MYO5B: variants seen among roughly 807,000 people sequenced by gnomAD.
The protein encoded by MYO5B is myosin VB.
MYO5B carries 143 observed loss-of-function variants against 229.3 expected under a neutral mutation model. The ratio of observed to expected loss-of-function variants is 0.62; its 90% CI spans 0.54 to 0.72. The LOEUF (loss-of-function observed/expected upper bound fraction) is 0.72, where lower values mean the gene tolerates loss of function less well. Among genes scored for constraint, MYO5B ranks in the 30% least tolerant of loss-of-function variants. MYO5B has a pLI of 0.00. For synonymous variants in MYO5B, 918 were observed against 885.2 expected (o/e 1.04, Z -0.66); for missense variants, 2,321 against 2,331.0 (o/e 1.00, Z 0.09).
intron 39 of MYO5B, among the ~76,000 whole-genome samples, chr18:49,834,032 G>A (rs1453816212): frequency 6.6e-6 from 1 of 152,074 alleles, no homozygotes; most frequent in Non-Finnish European, 1.5e-5. Flanking sequence ...GTTGGCCTCT[G>A]TTCCCTACTT....
chr18:49,972,027 C>T (rs932786033), intron 10 of MYO5B, among the ~76,000 whole-genome samples: 9 of 152,132 alleles, frequency 5.9e-5, no homozygotes, highest in Admixed American at 2.0e-4. Flanking sequence ...GGCCCTGTAT[C>T]GGGACCCTGC....
Position 49,853,685 on chromosome 18 carries a change from G to C in MYO5B, c.4023-38C>G, listed in dbSNP as rs62098715. ...GAGGACAGGTGAGCACGTGGCCCAG[G>C]CCAGGGCCCCCATCTGAGGGGACAC... On this transcript the variant is annotated intron_variant, in intron 30 of 39. Coordinates refer to ENST00000285039, the MANE Select transcript of MYO5B (RefSeq NM_001080467.3). 8.8e-6 allele frequency: 14 copies of C among 1,593,636 alleles called. No individual in the cohort carries two copies. In the East Asian group the frequency reaches 3.2e-4, roughly 36 times the overall value.
chr18:50,008,023 G>C (rs914345724), intron 4 of MYO5B, among the ~76,000 whole-genome samples: 8 of 152,078 alleles, frequency 5.3e-5, no homozygotes, highest in Admixed American at 4.6e-4. Flanking sequence ...GGTTATGCTG[G>C]TGGAATTATA....
intron 4 of MYO5B, among the ~76,000 whole-genome samples, chr18:50,015,429 G>A (rs1412778895): frequency 6.6e-6 from 1 of 152,140 alleles, no homozygotes; most frequent in Non-Finnish European, 1.5e-5. Context: ...TATTCTGGGT[G>A]TTCCTTTAAT....
At chr18:49,978,348 G>T (rs1021083652) in intron 9 of MYO5B, among the ~76,000 whole-genome samples, 2 of 152,132 alleles carry the variant, frequency 1.3e-5, no homozygotes, top group Admixed American at 6.5e-5. Flanking sequence ...CGGAGGCTGG[G>T]TGTGGAGGGT....
At chr18:49,996,722 C>T (rs2025991450) in intron 5 of MYO5B, among the ~76,000 whole-genome samples, 1 of 152,160 alleles carries the variant, frequency 6.6e-6, no homozygotes, top group African/African-American at 2.4e-5. Context: ...AACCATGCCC[C>T]AGTATGGGAA....
At position 49,841,415 on chromosome 18, in the gene MYO5B, A is replaced by G; in HGVS notation, c.4651T>C (p.Ser1551Pro). Residue 1551 changes from serine (S) to proline (P), a missense_variant, in exon 35 of 40, where the codon TCC (serine) becomes CCC (proline). Physicochemically the swap from Ser to Pro is moderately conservative, Grantham distance 74. This residue lies in a region of MYO5B where 2,113 missense variants were observed against 2,044.7 expected (regional missense o/e 1.03). Transcript: ENST00000285039. ...CAGTGAAGAAGGCGGCAGGTGTTGG[A>G]TAACCAGAATGACGTCATCTCAAAG... ...DDFEMTSFWL[S>P]NTCRLLHCLK... is the part of the protein sequence containing the mutation. 1 of 1,614,244 alleles carries G rather than the reference A, an allele frequency of 6.2e-7. No homozygotes were observed. Among genetic ancestry groups the G allele is most frequent in the Non-Finnish European group, 8.5e-7 (1 of 1,180,034 alleles).
intron 1 of MYO5B, among the ~76,000 whole-genome samples, chr18:50,112,113 G>A (rs868533625): frequency 1.3e-5 from 2 of 152,292 alleles, no homozygotes; most frequent in Non-Finnish European, 2.9e-5. Flanking sequence ...ATATTAGATC[G>A]AGTAGTCAAA....
At chr18:50,165,074 C>G (rs116882991) in intron 1 of MYO5B, among the ~76,000 whole-genome samples, 336 of 152,324 alleles carry the variant, frequency 2.2e-3, no homozygotes, top group Non-Finnish European at 3.6e-3. Flanking sequence ...GGGGGAAAAT[C>G]AACAGAGAAT....
chr18:50,161,107 GAGA>G (rs1599067999), intron 1 of MYO5B, among the ~76,000 whole-genome samples: 1 of 152,170 alleles, frequency 6.6e-6, no homozygotes, highest in East Asian at 1.9e-4. Flanking sequence ...CTTAGAAAAA[GAGA>G]TTAACTCACA....
intron 21 of MYO5B, among the ~76,000 whole-genome samples, chr18:49,900,164 T>C (rs2024825185): frequency 1.3e-5 from 2 of 152,196 alleles, no homozygotes; most frequent in Non-Finnish European, 2.9e-5. Flanking sequence ...GGCTGGAAGG[T>C]TAACTCACAA....
At chr18:49,877,228 C>T (rs1376433492) in intron 25 of MYO5B, among the ~76,000 whole-genome samples, 1 of 152,196 alleles carries the variant, frequency 6.6e-6, no homozygotes, top group African/African-American at 2.4e-5. Flanking sequence ...AAAGACCACA[C>T]AGTCCACTGT....
intron 4 of MYO5B, among the ~76,000 whole-genome samples, chr18:50,035,042 A>G (rs570967103): frequency 6.6e-6 from 1 of 152,204 alleles, no homozygotes; most frequent in South Asian, 2.1e-4. Context: ...CCTCTTCCCC[A>G]TAATGGGTGC....
At chr18:50,122,464 A>G (rs2032075967) in intron 1 of MYO5B, among the ~76,000 whole-genome samples, 1 of 147,872 alleles carries the variant, frequency 6.8e-6, no homozygotes, top group Non-Finnish European at 1.5e-5. Context: ...AAAAAAAATC[A>G]GCCAGGTGTG....
At chr18:49,879,384 G>C (rs1568623232) in intron 23 of MYO5B, 7 of 444,468 alleles carry the variant, frequency 1.6e-5, no homozygotes, top group Non-Finnish European at 2.9e-5. Context: ...TCTGCCAACT[G>C]TCACAGCAAC....
chr18:50,127,677 C>G (rs1055617750), intron 1 of MYO5B, among the ~76,000 whole-genome samples: 2 of 152,150 alleles, frequency 1.3e-5, no homozygotes, highest in African/African-American at 4.8e-5. Flanking sequence ...TTAAAGATTG[C>G]TTACTGGGAT....
chr18:49,880,790 C>T (rs1210077329), intron 22 of MYO5B, among the ~76,000 whole-genome samples: 2 of 152,224 alleles, frequency 1.3e-5, no homozygotes, highest in African/African-American at 4.8e-5. Flanking sequence ...ACCAAGTCAG[C>T]ATTCCACTGA....
intron 4 of MYO5B, among the ~76,000 whole-genome samples, chr18:50,032,050 C>A (rs1480254019): frequency 2.0e-5 from 3 of 152,186 alleles, no homozygotes; most frequent in Non-Finnish European, 2.9e-5. Flanking sequence ...CCAAAGTTCA[C>A]CCCAGCCTGC....
intron 1 of MYO5B, among the ~76,000 whole-genome samples, chr18:50,082,736 A>G (rs1369155649): frequency 6.6e-6 from 1 of 152,342 alleles, no homozygotes; most frequent in African/African-American, 2.4e-5. Flanking sequence ...TTAAAAAATG[A>G]ATGGTACCAC....
Sources: allele counts gnomAD v4.1 joint callset (sites outside exome capture counted in the v4.1 genomes callset), GRCh38; gene constraint gnomAD v4.1.1; regional missense constraint gnomAD v4.1.1; transcripts MANE v1.5; gene names NCBI Gene and HGNC (gene_info 2026-07-23, HGNC 2026-07-21).